The following STIM1 variants were observed in gnomAD, a reference collection of about 807,000 sequenced individuals.
STIM1 encodes the protein stromal interaction molecule 1.
Under a neutral mutation model 74.7 loss-of-function variants are expected in STIM1, and 25 were observed. The ratio of observed to expected loss-of-function variants is 0.33; its 90% CI spans 0.24 to 0.47. The LOEUF is 0.47. STIM1 is among the 20% of genes least tolerant of loss of function. The pLI is 1.00. For synonymous variants in STIM1, 328 were observed against 348.8 expected (o/e 0.94, Z 0.66); for missense variants, 728 against 920.8 (o/e 0.79, Z 2.71).
intron 1 of STIM1, among the ~76,000 whole-genome samples, chr11:3,961,949 T>G (rs1250694107): frequency 6.6e-6 from 1 of 152,240 alleles, no homozygotes; most frequent in African/African-American, 2.4e-5. Flanking sequence ...TTTAACTCTA[T>G]GTATCATCTA....
In STIM1 at chr11:4,091,405, C is replaced by T. The variant is rs202123496; in HGVS notation, c.1758C>T (p.Gly586=). 1.9e-6 allele frequency: 3 copies of T among 1,614,250 alleles called. No homozygotes were observed. Among genetic ancestry groups the T allele is most frequent in the African/African-American group, 2.7e-5 (2 of 75,080 alleles). Residue 586 remains glycine (G), a synonymous_variant, in exon 13 of 13, where the codon GGC becomes GGT. Transcript: ENST00000526596. ...DEALNAMTSN[G]SHRLIEGVHP... is the part of the protein sequence containing the mutation. ...CTCTCAATGCCATGACTTCCAATGGCAGCCACCGGCTGATCGAGGGGGTCC... is the reference window on the plus strand; with the variant it reads ...CTCTCAATGCCATGACTTCCAATGGTAGCCACCGGCTGATCGAGGGGGTCC...
intron 5 of STIM1, among the ~76,000 whole-genome samples, chr11:4,066,356 T>G (rs968333667): frequency 6.6e-6 from 1 of 152,212 alleles, no homozygotes; most frequent in East Asian, 1.9e-4. Context: ...GCATTTGCCC[T>G]CTATATGCAC....
intron 3 of STIM1, among the ~76,000 whole-genome samples, chr11:4,044,269 G>A (rs1277007491): frequency 1.3e-5 from 2 of 152,180 alleles, no homozygotes; most frequent in African/African-American, 2.4e-5. Flanking sequence ...GTCATTTGGA[G>A]TCTGTATCTG....
At chr11:3,923,999 T>G (rs1220318386) in intron 1 of STIM1, among the ~76,000 whole-genome samples, 1 of 151,956 alleles carries the variant, frequency 6.6e-6, no homozygotes, top group Non-Finnish European at 1.5e-5. Flanking sequence ...TTCAGTTTAT[T>G]TATTTATTTA....
rs1554963559 is a variant in STIM1, at chr11:3,992,081, G to GTTTTTTTTT, written c.270+24406_270+24407insTTTTTTTTT. Among the ~76,000 whole-genome samples, 61 of 91,972 alleles carry GTTTTTTTTT rather than the reference G, an allele frequency of 6.6e-4. 2 individuals carry two copies. Among genetic ancestry groups the GTTTTTTTTT allele is most frequent in the African/African-American group, 2.7e-3 (58 of 21,324 alleles). The allele number at this position is 91,972 out of a possible 152,430, so 60.3% of individuals were successfully genotyped here. A position where few individuals can be genotyped will look rare whatever the true frequency, so the allele number is the denominator to read the frequency against. ...TTTCTCTGCAGCCTTGCCAACATCT[G>GTTTTTTTTT]TTTTTTTGTTTTTTTTTTTTTTTTT... is the stretch of plus-strand genomic sequence containing the variant. On this transcript the variant is annotated intron_variant, in intron 2 of 12. Transcript: ENST00000526596.
At chr11:4,014,046 T>C (rs1315298195) in intron 2 of STIM1, among the ~76,000 whole-genome samples, 1 of 152,158 alleles carries the variant, frequency 6.6e-6, no homozygotes. Flanking sequence ...TGTCTCTATC[T>C]CCTTCAGTTC....
intron 1 of STIM1, among the ~76,000 whole-genome samples, chr11:3,895,608 C>CTCTTTTTCTTTCTT (rs2092042553): frequency 1.9e-5 from 1 of 53,120 alleles, no homozygotes; most frequent in Non-Finnish European, 3.3e-5. Context: ...TTCTTTCTCT[C>CTCTTTTTCTTTCTT]TCTTTCTTTC....
At chr11:3,918,749 A>G (rs901928364) in intron 1 of STIM1, among the ~76,000 whole-genome samples, 46 of 152,266 alleles carry the variant, frequency 3.0e-4, no homozygotes, top group African/African-American at 1.0e-3. Context: ...CCCTGGAACC[A>G]TGTGGATCGA....
intron 1 of STIM1, among the ~76,000 whole-genome samples, chr11:3,956,800 G>A (rs1182527100): frequency 2.4e-5 from 3 of 125,504 alleles, no homozygotes; most frequent in East Asian, 5.0e-4. Context: ...TTCAATCTGG[G>A]TGACAGAGCA....
chr11:3,895,671 T>TTTCTTTCTTTCTTTCTTTCTTTCTTTCC (rs2092072574), intron 1 of STIM1, among the ~76,000 whole-genome samples: 2 of 43,344 alleles, frequency 4.6e-5, no homozygotes. Context: ...TCTTTCTTTC[T>TTTCTTTCTTTCTTTCTTTCTTTCTTTCC]TTCCTTCCTT....
intron 2 of STIM1, among the ~76,000 whole-genome samples, chr11:3,977,497 C>T (rs1278017058): frequency 1.3e-5 from 2 of 152,178 alleles, no homozygotes; most frequent in Non-Finnish European, 2.9e-5. Context: ...TTACATAATC[C>T]CTTTCCACCT....
chr11:4,055,926 A>G (rs891230297), intron 4 of STIM1, among the ~76,000 whole-genome samples: 6 of 152,220 alleles, frequency 3.9e-5, no homozygotes, highest in Admixed American at 3.3e-4. Flanking sequence ...TGTATACAGT[A>G]TCTCATTTAA....
intron 1 of STIM1, among the ~76,000 whole-genome samples, chr11:3,877,633 G>A (rs1008029913): frequency 6.6e-6 from 1 of 152,150 alleles, no homozygotes; most frequent in Admixed American, 6.5e-5. Flanking sequence ...GGGTTAATCA[G>A]GTATTTATAA....
chr11:4,006,790 GAGC>G (rs1356205236), intron 2 of STIM1, among the ~76,000 whole-genome samples: 2 of 152,180 alleles, frequency 1.3e-5, no homozygotes, highest in Non-Finnish European at 2.9e-5. Flanking sequence ...GGGGGTTGGA[GAGC>G]AGCAGAGAAA....
chr11:4,015,273 G>A (rs989009011), intron 2 of STIM1, among the ~76,000 whole-genome samples: 1 of 152,218 alleles, frequency 6.6e-6, no homozygotes, highest in Non-Finnish European at 1.5e-5. Context: ...GCATTTGCTT[G>A]TCTGTAAAGG....
intron 1 of STIM1, among the ~76,000 whole-genome samples, chr11:3,939,418 G>T (rs964165844): frequency 6.6e-6 from 1 of 152,156 alleles, no homozygotes; most frequent in African/African-American, 2.4e-5. Flanking sequence ...GGTTACCACT[G>T]ATCTCATTTC....
intron 2 of STIM1, among the ~76,000 whole-genome samples, chr11:4,015,577 T>G (rs931363696): frequency 6.6e-6 from 1 of 152,214 alleles, no homozygotes; most frequent in South Asian, 2.1e-4. Context: ...TTTCCTGAAT[T>G]TGAATGTTGG....
At chr11:4,076,195 G>A (rs1024835651) in intron 7 of STIM1, among the ~76,000 whole-genome samples, 1 of 151,788 alleles carries the variant, frequency 6.6e-6, no homozygotes, top group Non-Finnish European at 1.5e-5. Context: ...TTTTTAAAAT[G>A]ATTGATGCAG....
chr11:4,024,933 C>G (rs1423427311), intron 3 of STIM1, among the ~76,000 whole-genome samples: 3 of 152,274 alleles, frequency 2.0e-5, no homozygotes, highest in Middle Eastern at 3.4e-3. Flanking sequence ...AACAATAAGA[C>G]TAGAAGAAAT....
Sources: allele counts gnomAD v4.1 joint callset (sites outside exome capture counted in the v4.1 genomes callset), GRCh38; gene constraint gnomAD v4.1.1; transcripts MANE v1.5; gene names NCBI Gene and HGNC (gene_info 2026-07-23, HGNC 2026-07-21).